Variants in SOX30 observed in about 807,000 individuals in gnomAD.
SOX30 encodes the protein transcription factor SOX-30.
Under a neutral mutation model 58.6 loss-of-function variants are expected in SOX30, and 17 were observed. The ratio of observed to expected loss-of-function variants is 0.29; its 90% CI spans 0.20 to 0.44. The LOEUF is 0.44. Ranked by LOEUF, SOX30 falls within the 20% of genes least tolerant of loss-of-function variation. The pLI, the probability that SOX30 is intolerant of heterozygous loss-of-function variation, is 1.00. For synonymous variants in SOX30, 421 were observed against 400.2 expected (o/e 1.05, Z -0.62); for missense variants, 951 against 965.8 (o/e 0.98, Z 0.20).
At chr5:157,634,707 G>A (rs142099656) in intron 4 of SOX30, among the ~76,000 whole-genome samples, 1 of 152,232 alleles carries the variant, frequency 6.6e-6, no homozygotes, top group African/African-American at 2.4e-5. Flanking sequence ...GAGTGCAGGG[G>A]TGTGATCTTG....
chr5:157,632,294 T>C (rs1488610309), intron 4 of SOX30, among the ~76,000 whole-genome samples: 1 of 152,166 alleles, frequency 6.6e-6, no homozygotes, highest in Non-Finnish European at 1.5e-5. Flanking sequence ...AAGGATGCAC[T>C]AATTAGTACT....
Position 157,661,781 on chromosome 5 carries a change from T to C in SOX30, c.52+6017A>G, listed in dbSNP as rs572889445. Among the ~76,000 whole-genome samples, 85 of 152,356 alleles carry C rather than the reference T, an allele frequency of 5.6e-4. 1 individual carries two copies. The South Asian group carries it at 5.8e-3, about 10-fold the overall frequency. On this transcript the variant is annotated intron_variant, in intron 2 of 5. Transcript: ENST00000519442. ...TTACTGGATCTAATTTGTTGTTATT[T>C]AAACAATTTTAGCATTTACATTCAT... is the stretch of plus-strand genomic sequence containing the variant.
chr5:157,643,094 G>T (rs1162076730), intron 3 of SOX30, among the ~76,000 whole-genome samples: 3 of 150,844 alleles, frequency 2.0e-5, no homozygotes, highest in African/African-American at 7.3e-5. Context: ...TTTTAAAGAA[G>T]AAAACGGACA....
intron 3 of SOX30, 122 bp downstream of exon 3, chr5:157,646,515 T>C (rs1335969917): frequency 1.3e-4 from 97 of 734,956 alleles, no homozygotes; most frequent in Non-Finnish European, 1.7e-4. Flanking sequence ...CTTTCCCTCT[T>C]CTTTTTTTCT....
chr5:157,664,852 C>T (rs541835164), intron 2 of SOX30, among the ~76,000 whole-genome samples: 2 of 152,312 alleles, frequency 1.3e-5, no homozygotes, highest in East Asian at 3.9e-4. Flanking sequence ...AAAAAATGCT[C>T]ATCATCACTA....
rs1339492160 is a variant in SOX30, at chr5:157,651,359, C to T, written c.720G>A (p.Ala240=). 1 of 1,613,838 alleles carries T rather than the reference C, an allele frequency of 6.2e-7. No individual in the cohort carries two copies. Among genetic ancestry groups the T allele is most frequent in the Non-Finnish European group, 8.5e-7 (1 of 1,180,042 alleles). The change falls in exon 1 of 5, where the codon GCG becomes GCA. Residue 240 remains alanine, a synonymous_variant. Transcript: ENST00000265007. The part of the protein sequence containing the change: ...PASNGLVHGS[A]EVILAPTSGA... The stretch of plus-strand genomic sequence containing the variant: ...CGGACGTTGGGGCCAAGATGACCTC[C>T]GCGCTGCCATGAACCAGGCCATTGG...
In SOX30 at chr5:157,651,957, G is replaced by C; in HGVS notation, c.122C>G (p.Pro41Arg). The change falls in exon 1 of 5, where the codon CCC (proline) becomes CGC (arginine). Residue 41 changes from proline (P) to arginine (R), a missense_variant. By Grantham distance (103) the Pro-to-Arg change is moderately radical (BLOSUM62 -2). This residue lies in a region of SOX30 where 363 missense variants were observed against 294.5 expected (regional missense o/e 1.23). Coordinates refer to ENST00000265007, the MANE Select transcript of SOX30 (RefSeq NM_178424.2). The stretch of plus-strand genomic sequence containing the variant: ...CGCACTGGCTGCCGCGCTCAGTGTG[G>C]GAGACGACGGAGGGGGCTCCATGGC... ...AAAMEPPPSS[P>R]TLSAAASATL... 1 of 1,472,464 alleles carries C rather than the reference G, an allele frequency of 6.8e-7. No individual in the cohort carries two copies. The highest frequency in any genetic ancestry group is 9.0e-7 in the Non-Finnish European group (1 of 1,116,578). The allele number at this position is 1,472,464 out of a possible 1,614,324, so 91.2% of individuals were successfully genotyped here.
chr5:157,630,996 A>T (rs948389229), intron 4 of SOX30, among the ~76,000 whole-genome samples: 2 of 134,202 alleles, frequency 1.5e-5, no homozygotes, highest in East Asian at 4.0e-4. Flanking sequence ...TACTATATAT[A>T]TTTTTTATAT....
intron 2 of SOX30, chr5:157,667,666 G>T: frequency 8.0e-7 from 1 of 1,254,436 alleles, no homozygotes; most frequent in South Asian, 1.7e-5. Flanking sequence ...TTGAACCCAG[G>T]TCGCAGAGGC....
chr5:157,665,651 A>G (rs1457018948), intron 2 of SOX30, among the ~76,000 whole-genome samples: 3 of 147,848 alleles, frequency 2.0e-5, no homozygotes. Context: ...CATTTATTTT[A>G]AATATATAAA....
intron 3 of SOX30, among the ~76,000 whole-genome samples, chr5:157,639,243 G>C (rs895805602): frequency 1.6e-4 from 24 of 151,942 alleles, no homozygotes; most frequent in African/African-American, 5.3e-4. Context: ...CCAGACTTTC[G>C]TTTTATACCT....
intron 4 of SOX30, among the ~76,000 whole-genome samples, chr5:157,633,731 A>G (rs1013244037): frequency 2.0e-5 from 3 of 152,086 alleles, no homozygotes; most frequent in Non-Finnish European, 2.9e-5. Flanking sequence ...AAATTTTACA[A>G]TTTAGATGCT....
intron 4 of SOX30, among the ~76,000 whole-genome samples, chr5:157,629,129 G>A (rs1758729542): frequency 6.6e-6 from 1 of 152,146 alleles, no homozygotes; most frequent in Non-Finnish European, 1.5e-5. Context: ...AATGTCTGGT[G>A]TATTTCAAAG....
chr5:157,645,461 G>GAC lies in SOX30; in HGVS notation c.1387+1174_1387+1175dup, dbSNP rs1268018840. ...GGTGGATCATTTGAGCCCAGGATTC[G>GAC]ACACCAGCCTGGGCAACATGGCAAA... is the stretch of plus-strand genomic sequence containing the variant. On this transcript the variant is annotated intron_variant, in intron 3 of 4. Coordinates refer to ENST00000265007, the MANE Select transcript of SOX30 (RefSeq NM_178424.2). 2.6e-5 allele frequency among the ~76,000 whole-genome samples: 4 copies of GAC among 152,092 alleles called. No individual in the cohort carries two copies. The East Asian group carries it at 7.7e-4, about 29-fold the overall frequency.
chr5:157,626,357 C>T lies in SOX30; in HGVS notation c.2245G>A (p.Val749Met), dbSNP rs889057. The change falls in exon 5 of 5, where the codon GTG becomes ATG. Residue 749 changes from valine to methionine, a missense_variant. Physicochemically the swap from Val to Met is conservative, Grantham distance 21. This residue lies in a region of SOX30 where 381 missense variants were observed against 390.0 expected (regional missense o/e 0.98). Coordinates refer to ENST00000265007, the MANE Select transcript of SOX30 (RefSeq NM_178424.2). The stretch of plus-strand genomic sequence containing the variant: ...TTTTAAAATTATAAATCCCTGAGCA[C>T]TTTTTCTTCTTCCTCCTCATCACTG... ...TDSDEEEEEKVLRDL is the reference protein window; with the variant it reads ...TDSDEEEEEKMLRDL 2.1e-4 allele frequency: 341 copies of T among 1,607,110 alleles called. 2 individuals are homozygous for T. The African/African-American group carries it at 4.1e-3, about 19-fold the overall frequency.
intron 1 of SOX30, among the ~76,000 whole-genome samples, chr5:157,668,991 C>A (rs529742067): frequency 9.9e-5 from 15 of 152,136 alleles, no homozygotes; most frequent in Admixed American, 6.5e-4. Flanking sequence ...AGAGAGGACC[C>A]CATGAGATAA....
chr5:157,666,478 GACACACACACACACAC>G (rs375835461), intron 2 of SOX30, among the ~76,000 whole-genome samples: 84 of 132,528 alleles, frequency 6.3e-4, no homozygotes, highest in African/African-American at 1.6e-3. Context: ...TAGTCCAGTA[GACACACACACACACAC>G]ACACACACAC....
chr5:157,657,815 A>G (rs1449853405), intron 2 of SOX30, among the ~76,000 whole-genome samples: 2 of 152,242 alleles, frequency 1.3e-5, no homozygotes, highest in Non-Finnish European at 2.9e-5. Flanking sequence ...AGTTATTTGC[A>G]TAAGTGCAAT....
chr5:157,631,060 TATATATATAC>T (rs201051637), intron 4 of SOX30, among the ~76,000 whole-genome samples: 2,842 of 53,124 alleles, frequency 0.053, 57 homozygotes, highest in South Asian at 0.17. Context: ...TATATATATA[TATATATATAC>T]ACACAATATA....
Sources: allele counts gnomAD v4.1 joint callset (sites outside exome capture counted in the v4.1 genomes callset), GRCh38; gene constraint gnomAD v4.1.1; regional missense constraint gnomAD v4.1.1; transcripts MANE v1.5; gene names NCBI Gene and HGNC (gene_info 2026-07-23, HGNC 2026-07-21).